The following SLC25A25 variants were observed in gnomAD, a reference collection of about 807,000 sequenced individuals.
SLC25A25 encodes the protein solute carrier family 25 member 25, also known as mitochondrial adenyl nucleotide antiporter SLC25A25.
Under a neutral mutation model 57.7 loss-of-function variants are expected in SLC25A25, and 32 were observed. The observed-to-expected ratio is 0.55, with a 90% CI of 0.42 to 0.74. The LOEUF (loss-of-function observed/expected upper bound fraction) is 0.74, where lower values mean the gene tolerates loss of function less well. Ranked by LOEUF, SLC25A25 falls within the 30% of genes least tolerant of loss-of-function variation. SLC25A25 has a pLI of 0.00. For missense variants in SLC25A25, 556 were observed against 701.3 expected, an observed-to-expected ratio of 0.79 and a Z score of 2.34; for synonymous variants, 306 against 291.2, an observed-to-expected ratio of 1.05 and a Z score of -0.52.
Position 128,068,549 on chromosome 9 carries a change from T to G in SLC25A25, c.230T>G (p.Leu77Arg). 6.8e-7 allele frequency: 1 copy of G among 1,479,090 alleles called. No individual in the cohort carries two copies. Among genetic ancestry groups the G allele is most frequent in the Non-Finnish European group, 8.9e-7 (1 of 1,122,742 alleles). The allele number at this position is 1,479,090 out of a possible 1,614,324, so 91.6% of individuals were successfully genotyped here. Reference sequence around the variant, plus strand: ...GACCTGGCGGTGGGGCTGCGGCGCCTGGGACTGCACCGCACCGAGGGCGAG... The same window carrying G: ...GACCTGGCGGTGGGGCTGCGGCGCCGGGGACTGCACCGCACCGAGGGCGAG... Reference protein sequence around the residue: ...VNDLAVGLRRLGLHRTEGELQ... With the variant: ...VNDLAVGLRRRGLHRTEGELQ... Residue 77 changes from leucine (L) to arginine (R), a missense_variant, in exon 1 of 11, where the codon CTG becomes CGG. Physicochemically the swap from Leu to Arg is moderately radical, Grantham distance 102. This residue lies in a region of SLC25A25 where 248 missense variants were observed against 273.5 expected (regional missense o/e 0.91). Transcript: ENST00000373069.
rs1834132904 is a variant in SLC25A25 at position 128,108,297 on chromosome 9, T to G, written c.*853T>G. ...TTCTGGGGAGGGAAGGAAAAGGTGT[T>G]GGAGGCCTTAATTATGGACTGTTGG... is the stretch of plus-strand genomic sequence containing the variant. On this transcript the variant is annotated 3_prime_UTR_variant, in exon 11 of 11. Transcript: ENST00000373069. 1 of 398,994 alleles carries G rather than the reference T, an allele frequency of 2.5e-6. No individual in the cohort carries two copies. The highest frequency in any genetic ancestry group is 2.1e-5 in the African/African-American group (1 of 48,624). The allele number at this position is 398,994 out of a possible 1,614,324, so 24.7% of individuals were successfully genotyped here. A position where few individuals can be genotyped will look rare whatever the true frequency, so the allele number is the denominator to read the frequency against.
In SLC25A25 at chr9:128,068,550, G is replaced by A. The variant is rs1832831960; in HGVS notation, c.231G>A (p.Leu77=). Residue 77 remains leucine, a synonymous_variant, in exon 1 of 11, where the codon CTG becomes CTA. Coordinates refer to ENST00000373069, the MANE Select transcript of SLC25A25 (RefSeq NM_001330988.2). ...ACCTGGCGGTGGGGCTGCGGCGCCT[G>A]GGACTGCACCGCACCGAGGGCGAGC... ...VNDLAVGLRR[L]GLHRTEGELQ... The A allele has an allele frequency of 2.1e-6, 3 of 1,457,130 alleles. No individual in the cohort carries two copies. Among genetic ancestry groups the A allele is most frequent in the Non-Finnish European group, 2.7e-6 (3 of 1,111,560 alleles). 90.3% of individuals were successfully genotyped at this position (1,457,130 alleles called of 1,614,324 possible). A position where few individuals can be genotyped will look rare whatever the true frequency, so the allele number is the denominator to read the frequency against.
In SLC25A25 at chr9:128,103,247, G is replaced by T. The variant is rs1004686642; in HGVS notation, c.625-434G>T. 6.6e-6 allele frequency among the ~76,000 whole-genome samples: 1 copy of T among 152,202 alleles called. No homozygotes were observed. The highest frequency in any genetic ancestry group is 2.4e-5 in the African/African-American group (1 of 41,456). On this transcript the variant is annotated intron_variant, in intron 5 of 10. Transcript: ENST00000373069. The surrounding 1 kb of genome is among the most constrained non-coding windows in gnomAD (Gnocchi z 6.7). Reference sequence around the variant, plus strand: ...AAGGTTACGCAGGCAGCGAGCCCTCGTGTTTGCTGAGGCGTTGCATAATGT... The same window carrying T: ...AAGGTTACGCAGGCAGCGAGCCCTCTTGTTTGCTGAGGCGTTGCATAATGT...
chr9:128,078,560 G>A (rs182025646), intron 1 of SLC25A25, among the ~76,000 whole-genome samples: 55 of 152,284 alleles, frequency 3.6e-4, no homozygotes, highest in African/African-American at 1.3e-3. Flanking sequence ...ACAAAAAGAC[G>A]TCTTTGGGGC....
At position 128,107,744 on chromosome 9, in the gene SLC25A25, C is replaced by T. The variant is rs7872702; in HGVS notation, c.*300C>T. The T allele has an allele frequency of 0.77, 310,285 of 404,840 alleles. 123,057 individuals carry two copies. The highest frequency in any genetic ancestry group is 0.84 in the Non-Finnish European group (192,356 of 229,716). 25.1% of individuals were successfully genotyped at this position (404,840 alleles called of 1,614,324 possible). Reference sequence around the variant, plus strand: ...CATTTTCTGCAGTGCCTGCCAATAGCGAGCTTGGAGCCTGGAGGCCGGCTT... The same window carrying T: ...CATTTTCTGCAGTGCCTGCCAATAGTGAGCTTGGAGCCTGGAGGCCGGCTT... On this transcript the variant is annotated 3_prime_UTR_variant, in exon 11 of 11. Transcript: ENST00000373069.
rs896535781 is a variant in SLC25A25 at position 128,101,378 on chromosome 9, C to T, written c.458C>T (p.Ala153Val). The T allele has an allele frequency of 5.6e-6, 9 of 1,614,100 alleles. No homozygotes were observed. The highest frequency in any genetic ancestry group is 1.7e-5 in the Admixed American group (1 of 60,008). Reference protein sequence around the residue: ...DLGVKISEQQAEKILKRIRTG... With the variant: ...DLGVKISEQQVEKILKRIRTG... ...GGAGTCAAGATATCTGAACAGCAGG[C>T]AGAAAAAATTCTCAAGAGGTGAGTG... The change falls in exon 3 of 11, where the codon GCA (alanine) becomes GTA (valine). Residue 153 changes from alanine to valine, a missense_variant. By Grantham distance (64) the Ala-to-Val change is moderately conservative (BLOSUM62 0). Transcript: ENST00000373069. The surrounding 1 kb of genome is among the most constrained non-coding windows in gnomAD (Gnocchi z 4.9).
chr9:128,089,687 C>A (rs906248474), intron 1 of SLC25A25, among the ~76,000 whole-genome samples: 2 of 149,632 alleles, frequency 1.3e-5, no homozygotes, highest in Non-Finnish European at 3.0e-5. Flanking sequence ...GGTTGGACTG[C>A]AGTGGCACGA....
chr9:128,107,511 T>C lies in SLC25A25; in HGVS notation c.*67T>C. 1.4e-6 allele frequency: 2 copies of C among 1,476,410 alleles called. No homozygotes were observed. The highest frequency in any genetic ancestry group is 1.8e-6 in the Non-Finnish European group (2 of 1,108,546). The allele number at this position is 1,476,410 out of a possible 1,614,324, so 91.5% of individuals were successfully genotyped here. On this transcript the variant is annotated 3_prime_UTR_variant, in exon 11 of 11. Coordinates refer to ENST00000373069, the MANE Select transcript of SLC25A25 (RefSeq NM_001330988.2). ...CCGCAGCCTGGGGTGTGCAGCCATC[T>C]CATTCTGTGAATGTGCCAACACTAA...
intron 1 of SLC25A25, among the ~76,000 whole-genome samples, chr9:128,083,255 G>T (rs1240496009): frequency 5.9e-5 from 4 of 67,744 alleles, no homozygotes; most frequent in Non-Finnish European, 1.2e-4. Context: ...AAATAAAAGT[G>T]TTTTTTTTTG....
In SLC25A25 at chr9:128,107,317, G is replaced by A. The variant is rs772416779; in HGVS notation, c.1421G>A (p.Arg474Gln). 9.7e-6 allele frequency: 15 copies of A among 1,553,350 alleles called. No homozygotes were observed. Among genetic ancestry groups the A allele is most frequent in the East Asian group, 6.8e-5 (3 of 44,166 alleles). ...TMSSLFKHIL[R>Q]TEGAFGLYRG... ...AGCAGCCTCTTCAAACATATCCTGC[G>A]GACCGAGGGGGCCTTCGGGCTGTAC... The change falls in exon 11 of 11, where the codon CGG becomes CAG. Residue 474 changes from arginine (R) to glutamine (Q), a missense_variant. This residue lies in a region of SLC25A25 where 294 missense variants were observed against 389.6 expected (regional missense o/e 0.75). Transcript: ENST00000373069.
At chr9:128,075,536 AAAAAG>A (rs1303626105) in intron 1 of SLC25A25, among the ~76,000 whole-genome samples, 5 of 152,230 alleles carry the variant, frequency 3.3e-5, no homozygotes, top group African/African-American at 7.2e-5. Flanking sequence ...ATAAAATAAA[AAAAAG>A]AAAAGAAAAG....
chr9:128,079,966 G>A lies in SLC25A25; in HGVS notation c.261+11386G>A, dbSNP rs542809821. Among the ~76,000 whole-genome samples the A allele has an allele frequency of 2.6e-5, 4 of 151,418 alleles. No homozygotes were observed. The South Asian group carries it at 8.4e-4, about 32-fold the overall frequency. On this transcript the variant is annotated intron_variant, in intron 1 of 10. Coordinates refer to ENST00000373069, the MANE Select transcript of SLC25A25 (RefSeq NM_001330988.2). ...AGATCGTGCCACTGCTCTCCAGCCT[G>A]CTGACAGAGCGAGACTCCCTCTCAA...
chr9:128,071,096 T>C (rs1207237751), intron 1 of SLC25A25, among the ~76,000 whole-genome samples: 2 of 152,264 alleles, frequency 1.3e-5, no homozygotes. Flanking sequence ...GGGAGCATGT[T>C]AAATGTCTGC....
chr9:128,084,244 A>G (rs957312107), intron 1 of SLC25A25, among the ~76,000 whole-genome samples: 2 of 138,518 alleles, frequency 1.4e-5, no homozygotes, highest in Non-Finnish European at 3.1e-5. Context: ...ACCGACCAGC[A>G]TTAACATTAA....
At chr9:128,094,635 G>A (rs762507374) in intron 1 of SLC25A25, among the ~76,000 whole-genome samples, 1 of 152,182 alleles carries the variant, frequency 6.6e-6, no homozygotes, top group Non-Finnish European at 1.5e-5. Flanking sequence ...CTGAGTCATT[G>A]CAGAGGAGGG....
chr9:128,099,305 A>T lies in SLC25A25; in HGVS notation c.262-1791A>T, dbSNP rs1316944388. 1.6e-6 allele frequency: 2 copies of T among 1,279,276 alleles called. No individual in the cohort carries two copies. Among genetic ancestry groups the T allele is most frequent in the Non-Finnish European group, 2.0e-6 (2 of 985,122 alleles). 79.2% of individuals were successfully genotyped at this position (1,279,276 alleles called of 1,614,324 possible). A position where few individuals can be genotyped will look rare whatever the true frequency, so the allele number is the denominator to read the frequency against. On this transcript the variant is annotated intron_variant, in intron 1 of 10. Coordinates refer to ENST00000373069, the MANE Select transcript of SLC25A25 (RefSeq NM_001330988.2). This position sits in a 1 kb window ranked among gnomAD's most constrained non-coding sequence, Gnocchi z 6.8. ...ACTGTGCACCAAGGGGGATTTGCAGATCCAAGGAAGGAGACAGAAGGAGGC... is the reference window on the plus strand; with the variant it reads ...ACTGTGCACCAAGGGGGATTTGCAGTTCCAAGGAAGGAGACAGAAGGAGGC...
chr9:128,096,894 G>T (rs530116239), intron 1 of SLC25A25, among the ~76,000 whole-genome samples: 1 of 152,330 alleles, frequency 6.6e-6, no homozygotes, highest in South Asian at 2.1e-4. Context: ...GGATAATCCA[G>T]TGCGACCTCA....
chr9:128,093,408 T>C (rs1833467027), intron 1 of SLC25A25, among the ~76,000 whole-genome samples: 1 of 152,232 alleles, frequency 6.6e-6, no homozygotes, highest in Non-Finnish European at 1.5e-5. Context: ...CCTTTTAAAA[T>C]CACCTATTTT....
intron 1 of SLC25A25, among the ~76,000 whole-genome samples, chr9:128,071,702 G>C (rs993721921): frequency 6.6e-6 from 1 of 150,908 alleles, no homozygotes; most frequent in Non-Finnish European, 1.5e-5. Context: ...GTGAGCTACC[G>C]CGCCTGGCCT....
Sources: gnomAD v4.1 joint callset for allele counts (sites outside exome capture counted in the v4.1 genomes callset) on GRCh38, gnomAD v4.1.1 for gene constraint, gnomAD v4.1.1 regional missense constraint, Gnocchi (gnomAD v3.1) non-coding constraint, MANE v1.5 for transcripts, NCBI Gene and HGNC (gene_info 2026-07-23, HGNC 2026-07-21) for gene names.